Variants in TYW1B observed in about 807,000 individuals in gnomAD.
TYW1B encodes S-adenosyl-L-methionine-dependent tRNA 4-demethylwyosine synthase TYW1B.
A neutral mutation model predicts 86.9 loss-of-function variants in TYW1B; 73 were observed. That is an observed-to-expected ratio of 0.84 (90% CI 0.70 to 1.02). The LOEUF is 1.02. Ranked by LOEUF, TYW1B falls within the 50% of genes least tolerant of loss-of-function variation. The probability of loss-of-function intolerance (pLI) is 0.00; values close to 1 mark genes in which losing one functional copy is unlikely to be tolerated. For missense variants in TYW1B, 637 were observed against 827.4 expected, an observed-to-expected ratio of 0.77 and a Z score of 2.82; for synonymous variants, 248 against 292.8, an observed-to-expected ratio of 0.85 and a Z score of 1.56.
intron 12 of TYW1B, among the ~76,000 whole-genome samples, chr7:72,620,154 T>C (rs1812178789): frequency 6.6e-6 from 1 of 152,170 alleles, no homozygotes; most frequent in Admixed American, 6.5e-5. Flanking sequence ...CCCAGCTCTT[T>C]GGGAGGCTGA....
intron 11 of TYW1B, among the ~76,000 whole-genome samples, chr7:72,662,558 T>C (rs187422430): frequency 5.3e-5 from 8 of 152,276 alleles, no homozygotes; most frequent in Admixed American, 5.2e-4. Flanking sequence ...GAGAAAAAGC[T>C]AACAAACTCT....
intron 11 of TYW1B, among the ~76,000 whole-genome samples, chr7:72,655,998 G>A (rs1813193285): frequency 6.6e-6 from 1 of 152,162 alleles, no homozygotes. Flanking sequence ...TATTGCATGA[G>A]CATGCCACCT....
At chr7:72,730,559 G>A (rs1787084155) in intron 8 of TYW1B, among the ~76,000 whole-genome samples, 1 of 143,404 alleles carries the variant, frequency 7.0e-6, no homozygotes. Context: ...AGAAAAAGAA[G>A]AAAAGGAGAA....
At chr7:72,653,848 G>C (rs774487373) in intron 11 of TYW1B, among the ~76,000 whole-genome samples, 1 of 152,220 alleles carries the variant, frequency 6.6e-6, no homozygotes, top group African/African-American at 2.4e-5. Context: ...TTGGGAGGCC[G>C]AAGCGGGTGG....
intron 11 of TYW1B, among the ~76,000 whole-genome samples, chr7:72,649,260 A>C (rs554587610): frequency 6.6e-6 from 1 of 152,334 alleles, no homozygotes; most frequent in African/African-American, 2.4e-5. Flanking sequence ...ATAAGTGGTA[A>C]GGTTTCTAGA....
At chr7:72,675,710 A>G (rs1269156251) in intron 11 of TYW1B, among the ~76,000 whole-genome samples, 7 of 151,904 alleles carry the variant, frequency 4.6e-5, no homozygotes, top group African/African-American at 1.7e-4. Context: ...ATCAGCTAAC[A>G]CTTTAAATGT....
chr7:72,793,962 CAAAG>C (rs1218584029), intron 6 of TYW1B, among the ~76,000 whole-genome samples: 3 of 152,128 alleles, frequency 2.0e-5, no homozygotes, highest in Non-Finnish European at 4.4e-5. Flanking sequence ...TCCAGCCTCT[CAAAG>C]AAGTTGCGCT....
At chr7:72,595,940 C>T (rs1811519957) in intron 13 of TYW1B, among the ~76,000 whole-genome samples, 1 of 151,958 alleles carries the variant, frequency 6.6e-6, no homozygotes, top group Non-Finnish European at 1.5e-5. Flanking sequence ...TTTTGGGAGG[C>T]CAAGGCAGGG....
intron 7 of TYW1B, among the ~76,000 whole-genome samples, chr7:72,758,730 C>A (rs1336646302): frequency 1.3e-5 from 2 of 152,138 alleles, no homozygotes; most frequent in African/African-American, 2.4e-5. Context: ...AATCACACAT[C>A]CCTCTTGGGA....
Position 72,773,423 on chromosome 7 carries a change from C to A in TYW1B, c.964+3993G>T, listed in dbSNP as rs200653765. Among the ~76,000 whole-genome samples, 925 of 152,288 alleles carry A rather than the reference C, an allele frequency of 6.1e-3. 27 individuals are homozygous for A. Among genetic ancestry groups the A allele is most frequent in the Admixed American group, 0.05 (771 of 15,284 alleles). On this transcript the variant is annotated intron_variant, in intron 7 of 13. Transcript: ENST00000620995. ...GGTGATCCCATAGAGATAGGAAACA[C>A]TTAAGGTGAGCCCTCCCATTACCTC...
chr7:72,706,430 C>CA (rs1814616622), intron 10 of TYW1B, among the ~76,000 whole-genome samples: 1 of 46,008 alleles, frequency 2.2e-5, no homozygotes, highest in Non-Finnish European at 3.9e-5. Flanking sequence ...TCCTCCATCT[C>CA]CAAAAAAAAA....
chr7:72,791,222 T>G (rs1251391675), intron 6 of TYW1B, among the ~76,000 whole-genome samples: 1 of 152,054 alleles, frequency 6.6e-6, no homozygotes, highest in Middle Eastern at 3.2e-3. Context: ...CGCTCTTCTC[T>G]GTATAGGGCC....
At chr7:72,590,644 G>A (rs1468904156) in intron 13 of TYW1B, among the ~76,000 whole-genome samples, 1 of 152,196 alleles carries the variant, frequency 6.6e-6, no homozygotes, top group Non-Finnish European at 1.5e-5. Context: ...CTGATCCTTG[G>A]CACAGAGACA....
intron 2 of TYW1B, among the ~76,000 whole-genome samples, chr7:72,826,413 G>A (rs1163939420): frequency 6.6e-6 from 1 of 152,042 alleles, no homozygotes; most frequent in African/African-American, 2.4e-5. Flanking sequence ...GGTATAATAA[G>A]GTCCTTTAAT....
intron 6 of TYW1B, among the ~76,000 whole-genome samples, chr7:72,793,067 G>A (rs1419004911): frequency 6.6e-6 from 1 of 152,126 alleles, no homozygotes; most frequent in Admixed American, 6.6e-5. Flanking sequence ...GGCCAGGCAC[G>A]GTGGCTCTCA....
intron 11 of TYW1B, among the ~76,000 whole-genome samples, chr7:72,665,640 C>T (rs1554445134): frequency 6.6e-6 from 1 of 152,080 alleles, no homozygotes; most frequent in East Asian, 1.9e-4. Context: ...TCTGAATTAC[C>T]AAGTGGTTGC....
chr7:72,777,689 G>A (rs1180556307), intron 6 of TYW1B, among the ~76,000 whole-genome samples, 156 bp from the exon 7 acceptor site: 2 of 152,150 alleles, frequency 1.3e-5, no homozygotes, highest in Non-Finnish European at 2.9e-5. Flanking sequence ...GCCAGGGTAG[G>A]CGGATCACCT....
chr7:72,803,824 G>A (rs1788447841), intron 5 of TYW1B, among the ~76,000 whole-genome samples: 1 of 151,844 alleles, frequency 6.6e-6, no homozygotes, highest in South Asian at 2.1e-4. Flanking sequence ...ATGTCAGCCA[G>A]GCTGGTCTCA....
At chr7:72,628,269 C>T (rs1554439222) in intron 12 of TYW1B, among the ~76,000 whole-genome samples, 2 of 151,838 alleles carry the variant, frequency 1.3e-5, no homozygotes, top group East Asian at 1.9e-4. Flanking sequence ...GGTGACAAAG[C>T]GAGTCCTTGT....
Sources: allele counts gnomAD v4.1 joint callset (sites outside exome capture counted in the v4.1 genomes callset), GRCh38; gene constraint gnomAD v4.1.1; transcripts MANE v1.5; gene names NCBI Gene and HGNC (gene_info 2026-07-23, HGNC 2026-07-21).